Variants in KCNA2 observed in about 807,000 individuals in gnomAD.
KCNA2 encodes the protein potassium channel, voltage gated shaker related subfamily A, member 2.
Under a neutral mutation model 33.4 loss-of-function variants are expected in KCNA2, and 11 were observed. The ratio of observed to expected loss-of-function variants is 0.33; its 90% CI spans 0.21 to 0.55. The LOEUF (loss-of-function observed/expected upper bound fraction) is 0.55. Among genes scored for constraint, KCNA2 ranks in the 20% least tolerant of loss-of-function variants. The pLI, the probability that KCNA2 is intolerant of heterozygous loss-of-function variation, is 0.93. For synonymous variants in KCNA2, 222 were observed against 231.3 expected (o/e 0.96, Z 0.37); for missense variants, 291 against 621.6 (o/e 0.47, Z 5.66).
Position 110,603,080 on chromosome 1 carries a change from G to A in KCNA2, c.*203C>T, listed in dbSNP as rs1649427310. 2 of 1,409,922 alleles carry A rather than the reference G, an allele frequency of 1.4e-6. No homozygotes were observed. Among genetic ancestry groups the A allele is most frequent in the Non-Finnish European group, 1.8e-6 (2 of 1,089,556 alleles). The allele number at this position is 1,409,922 out of a possible 1,614,324, so 87.3% of individuals were successfully genotyped here. A position where few individuals can be genotyped will look rare whatever the true frequency, so the allele number is the denominator to read the frequency against. ...GACTCCCGTCTTTGGAAGTTCATAA[G>A]CCGGTGATGAGGATGTGCATGAAAG... On this transcript the variant is annotated 3_prime_UTR_variant, in exon 3 of 3. Coordinates refer to ENST00000316361, the MANE Select transcript of KCNA2 (RefSeq NM_004974.4). This position sits in a 1 kb window ranked among gnomAD's most constrained non-coding sequence, Gnocchi z 5.7.
chr1:110,612,717 C>T (rs1286584704), intron 1 of KCNA2, among the ~76,000 whole-genome samples: 1 of 152,208 alleles, frequency 6.6e-6, no homozygotes, highest in Non-Finnish European at 1.5e-5. Context: ...CTCATTGGTG[C>T]CCTATTGCTA....
At chr1:110,618,734 A>C (rs2101452279) in intron 1 of KCNA2, among the ~76,000 whole-genome samples, 1 of 151,506 alleles carries the variant, frequency 6.6e-6, no homozygotes, top group African/African-American at 2.4e-5. Flanking sequence ...CATCCCTCTG[A>C]GTAGCACCAC....
At position 110,600,001 on chromosome 1, in the gene KCNA2, C is replaced by G. The variant is rs1649266917; in HGVS notation, c.*3282G>C. 2 of 985,032 alleles carry G rather than the reference C, an allele frequency of 2.0e-6. No individual in the cohort carries two copies. The highest frequency in any genetic ancestry group is 2.4e-6 in the Non-Finnish European group (2 of 829,894). 61.0% of individuals were successfully genotyped at this position (985,032 alleles called of 1,614,324 possible). A position where few individuals can be genotyped will look rare whatever the true frequency, so the allele number is the denominator to read the frequency against. Reference sequence around the variant, plus strand: ...TCTGCTTGATGTGGTGGCCCATCCTCCTGCTTGAAACCTAGGAGTTACTTC... The same window carrying G: ...TCTGCTTGATGTGGTGGCCCATCCTGCTGCTTGAAACCTAGGAGTTACTTC... On this transcript the variant is annotated 3_prime_UTR_variant, in exon 3 of 3. Transcript: ENST00000316361.
chr1:110,613,938 G>C, intron 1 of KCNA2, among the ~76,000 whole-genome samples: 1 of 152,296 alleles, frequency 6.6e-6, no homozygotes, highest in Admixed American at 6.5e-5. Context: ...CTAAGGACCC[G>C]TGGTCTTCCA....
chr1:110,594,688 G>A lies in KCNA2; in HGVS notation c.*8595C>T, dbSNP rs1040335205. On this transcript the variant is annotated 3_prime_UTR_variant, in exon 3 of 3. Coordinates refer to ENST00000316361, the MANE Select transcript of KCNA2 (RefSeq NM_004974.4). ...CACGACAACAAAAGGAAACTGGGTC[G>A]CTGGATCCCACGTGAAGGCAGAACT... The A allele has an allele frequency of 2.7e-5, 27 of 985,218 alleles. No homozygotes were observed. The highest frequency in any genetic ancestry group is 1.9e-4 in the African/African-American group (11 of 57,174). 61.0% of individuals were successfully genotyped at this position (985,218 alleles called of 1,614,324 possible).
intron 1 of KCNA2, among the ~76,000 whole-genome samples, chr1:110,612,966 T>C (rs1385257449): frequency 6.6e-6 from 1 of 152,214 alleles, no homozygotes; most frequent in African/African-American, 2.4e-5. Context: ...GTTTTTCCTC[T>C]CTGAGTCTCA....
chr1:110,605,086 T>C (rs943400624), intron 2 of KCNA2, 141 bp from the exon 3 acceptor site: 4 of 413,770 alleles, frequency 9.7e-6, no homozygotes, highest in African/African-American at 8.1e-5. Flanking sequence ...CAAAATTTAC[T>C]TTCACCTTGT....
chr1:110,607,354 C>T (rs1649697676), upstream of KCNA2: 1 of 150,800 alleles, frequency 6.6e-6, no homozygotes, highest in South Asian at 2.0e-4. Context: ...AGCCGGGAGC[C>T]GGCTCTGCAG....
rs1440573455 is a variant in KCNA2, at chr1:110,602,771, C to T, written c.*512G>A. Reference sequence around the variant, plus strand: ...GCAATTCACAAACTCCAGCCTGTGACACAGAAAGTAATTCCAACACACAGG... The same window carrying T: ...GCAATTCACAAACTCCAGCCTGTGATACAGAAAGTAATTCCAACACACAGG... On this transcript the variant is annotated 3_prime_UTR_variant, in exon 3 of 3. Transcript: ENST00000316361. The T allele has an allele frequency of 1.0e-6, 1 of 991,964 alleles. No homozygotes were observed. Among genetic ancestry groups the T allele is most frequent in the East Asian group, 1.1e-4 (1 of 9,036 alleles). The allele number at this position is 991,964 out of a possible 1,614,324, so 61.4% of individuals were successfully genotyped here. A position where few individuals can be genotyped will look rare whatever the true frequency, so the allele number is the denominator to read the frequency against.
At chr1:110,607,903 G>C (rs1649733531), upstream of KCNA2, 1 of 152,376 alleles carries the variant, frequency 6.6e-6, no homozygotes. Flanking sequence ...TGGCTTCGCA[G>C]GGAAATGCAG....
chr1:110,594,104 T>C lies in KCNA2; in HGVS notation c.*9179A>G. On this transcript the variant is annotated 3_prime_UTR_variant, in exon 3 of 3. Transcript: ENST00000316361. ...GCTTTACCATCAGCCTTGGAGTTCC[T>C]TCTGCTATTGATCCCAAGGAGGCTT... is the stretch of plus-strand genomic sequence containing the variant. The C allele has an allele frequency of 7.1e-7, 1 of 1,406,762 alleles. No individual in the cohort carries two copies. The highest frequency in any genetic ancestry group is 9.2e-7 in the Non-Finnish European group (1 of 1,086,016). 87.1% of individuals were successfully genotyped at this position (1,406,762 alleles called of 1,614,324 possible). A position where few individuals can be genotyped will look rare whatever the true frequency, so the allele number is the denominator to read the frequency against.
Position 110,602,996 on chromosome 1 carries a change from C to T in KCNA2, c.*287G>A, listed in dbSNP as rs1266028268. 11 of 1,218,502 alleles carry T rather than the reference C, an allele frequency of 9.0e-6. No individual in the cohort carries two copies. The Admixed American group carries it at 4.5e-4, about 50-fold the overall frequency. 75.5% of individuals were successfully genotyped at this position (1,218,502 alleles called of 1,614,324 possible). A position where few individuals can be genotyped will look rare whatever the true frequency, so the allele number is the denominator to read the frequency against. ...GGAATGATGGCACTGATATGGTGCACTGTGTATGGGATATGAGGTGGCCTC... is the reference window on the plus strand; with the variant it reads ...GGAATGATGGCACTGATATGGTGCATTGTGTATGGGATATGAGGTGGCCTC... On this transcript the variant is annotated 3_prime_UTR_variant, in exon 3 of 3. Transcript: ENST00000316361.
upstream of KCNA2, among the ~76,000 whole-genome samples, chr1:110,610,524 T>C (rs1458925324): frequency 6.6e-6 from 1 of 152,204 alleles, no homozygotes; most frequent in African/African-American, 2.4e-5. Context: ...GTGGGAAAGA[T>C]ATCATTGTCT....
chr1:110,618,395 C>T (rs1650140466), intron 1 of KCNA2, among the ~76,000 whole-genome samples: 1 of 152,136 alleles, frequency 6.6e-6, no homozygotes, highest in Non-Finnish European at 1.5e-5. Flanking sequence ...GAGAGTGGAG[C>T]CTAGAACCCT....
rs959516266 is a variant in KCNA2 at position 110,593,640 on chromosome 1, G to C, written c.*9643C>G. The C allele has an allele frequency of 5.7e-6, 2 of 353,062 alleles. No individual in the cohort carries two copies. Among genetic ancestry groups the C allele is most frequent in the Admixed American group, 4.7e-5 (1 of 21,448 alleles). The allele number at this position is 353,062 out of a possible 1,614,324, so 21.9% of individuals were successfully genotyped here. ...AGAATGATGTTAAAATAAATCCCCA[G>C]TAATATATATTTATATACTTATTTA... On this transcript the variant is annotated 3_prime_UTR_variant, in exon 3 of 3. Coordinates refer to ENST00000316361, the MANE Select transcript of KCNA2 (RefSeq NM_004974.4).
Position 110,602,861 on chromosome 1 carries a change from C to G in KCNA2, c.*422G>C, listed in dbSNP as rs1649419431. 9.9e-7 allele frequency: 1 copy of G among 1,010,650 alleles called. No individual in the cohort carries two copies. Among genetic ancestry groups the G allele is most frequent in the Admixed American group, 5.4e-5 (1 of 18,632 alleles). The allele number at this position is 1,010,650 out of a possible 1,614,324, so 62.6% of individuals were successfully genotyped here. A position where few individuals can be genotyped will look rare whatever the true frequency, so the allele number is the denominator to read the frequency against. ...TTGAACAAACACCAGCTATTTAAAG[C>G]TAAGCCATGATTGTGTTCCTCTGTG... is the stretch of plus-strand genomic sequence containing the variant. On this transcript the variant is annotated 3_prime_UTR_variant, in exon 3 of 3. Coordinates refer to ENST00000316361, the MANE Select transcript of KCNA2 (RefSeq NM_004974.4).
chr1:110,620,089 T>TGAGA (rs1491246683), intron 1 of KCNA2, among the ~76,000 whole-genome samples: 7 of 100,794 alleles, frequency 6.9e-5, no homozygotes, highest in Admixed American at 2.0e-4. Flanking sequence ...AGAGAGAGAG[T>TGAGA]GAGTGAGAGA....
rs991575197 is a variant in KCNA2, at chr1:110,600,608, CTGTA to C, written c.*2671_*2674del. ...CCTATTTTGTGGTGAATGTGCATGA[CTGTA>C]TGTGAACATTTTAGAGTCCTGGGCC... is the stretch of plus-strand genomic sequence containing the variant. On this transcript the variant is annotated 3_prime_UTR_variant, in exon 3 of 3. Coordinates refer to ENST00000316361, the MANE Select transcript of KCNA2 (RefSeq NM_004974.4). 4.1e-6 allele frequency: 4 copies of C among 985,178 alleles called. No individual in the cohort carries two copies. In the African/African-American group the frequency reaches 7.0e-5, roughly 17 times the overall value. The allele number at this position is 985,178 out of a possible 1,614,324, so 61.0% of individuals were successfully genotyped here.
At chr1:110,621,371 A>G (rs1650253850) in intron 1 of KCNA2, among the ~76,000 whole-genome samples, 1 of 152,256 alleles carries the variant, frequency 6.6e-6, no homozygotes, top group African/African-American at 2.4e-5. Flanking sequence ...GCCATGGCAG[A>G]GTGAAGATAA....
Sources: allele counts gnomAD v4.1 joint callset (sites outside exome capture counted in the v4.1 genomes callset), GRCh38; gene constraint gnomAD v4.1.1; non-coding constraint Gnocchi (gnomAD v3.1); transcripts MANE v1.5; gene names NCBI Gene and HGNC (gene_info 2026-07-23, HGNC 2026-07-21).